Variants in PLCB1 observed in about 807,000 individuals in gnomAD.
The protein encoded by PLCB1 is phospholipase C beta 1.
PLCB1 carries 46 observed loss-of-function variants against 161.8 expected under a neutral mutation model. That is an observed-to-expected ratio of 0.28 (90% CI 0.22 to 0.36). PLCB1 has a LOEUF of 0.36. PLCB1 is among the 10% of genes least tolerant of loss of function. The pLI, the probability that PLCB1 is intolerant of heterozygous loss-of-function variation, is 1.00. For synonymous variants in PLCB1, 517 were observed against 503.7 expected, an observed-to-expected ratio of 1.03 and a Z score of -0.35; for missense variants, 1,016 against 1,472.5, an observed-to-expected ratio of 0.69 and a Z score of 5.07.
intron 3 of PLCB1, chr20:8,600,672 G>A (rs1300200931): frequency 4.0e-5 from 6 of 151,662 alleles, no homozygotes; most frequent in African/African-American, 7.3e-5. Context: ...AGCAAGCCTG[G>A]GCAATGGCGG....
chr20:8,192,292 T>C (rs1352459606), intron 2 of PLCB1, among the ~76,000 whole-genome samples: 1 of 151,930 alleles, frequency 6.6e-6, no homozygotes, highest in African/African-American at 2.4e-5. Context: ...TTTCAAAGAA[T>C]AGTATTAAGT....
intron 2 of PLCB1, among the ~76,000 whole-genome samples, chr20:8,288,877 A>G (rs912655168): frequency 2.6e-5 from 4 of 152,202 alleles, no homozygotes; most frequent in African/African-American, 9.7e-5. Context: ...AGGTATATTT[A>G]TATATTTACT....
intron 2 of PLCB1, among the ~76,000 whole-genome samples, chr20:8,320,733 C>T (rs941999264): frequency 2.0e-5 from 3 of 149,242 alleles, no homozygotes; most frequent in Non-Finnish European, 3.0e-5. Flanking sequence ...CATCCATTCA[C>T]GTGTCATCAA....
chr20:8,756,486 T>C (rs1210795004), intron 23 of PLCB1, among the ~76,000 whole-genome samples: 3 of 152,180 alleles, frequency 2.0e-5, no homozygotes, highest in East Asian at 1.9e-4. Context: ...TTATTTTTCA[T>C]GCATTATCTG....
At chr20:8,585,764 T>A (rs1986970270) in intron 3 of PLCB1, among the ~76,000 whole-genome samples, 1 of 152,216 alleles carries the variant, frequency 6.6e-6, no homozygotes, top group Non-Finnish European at 1.5e-5. Flanking sequence ...AGGTGGTCTC[T>A]GCTCCTTGCC....
intron 4 of PLCB1, among the ~76,000 whole-genome samples, chr20:8,637,747 A>G (rs1988808067): frequency 6.6e-6 from 1 of 152,246 alleles, no homozygotes; most frequent in Non-Finnish European, 1.5e-5. Context: ...ATATATTCTA[A>G]TATATGGCCT....
intron 3 of PLCB1, among the ~76,000 whole-genome samples, chr20:8,385,520 G>A (rs1207854710): frequency 6.6e-6 from 1 of 152,226 alleles, no homozygotes; most frequent in African/African-American, 2.4e-5. Flanking sequence ...TTAGACAGCA[G>A]GCAGCCACAG....
At chr20:8,326,990 A>G (rs58824700) in intron 2 of PLCB1, among the ~76,000 whole-genome samples, 6,850 of 152,288 alleles carry the variant, frequency 0.045, 200 homozygotes, top group Middle Eastern at 0.1. Flanking sequence ...GGCTCAAGCA[A>G]TTATCCCACC....
At chr20:8,533,841 T>C (rs1287811971) in intron 3 of PLCB1, among the ~76,000 whole-genome samples, 1 of 152,172 alleles carries the variant, frequency 6.6e-6, no homozygotes, top group Non-Finnish European at 1.5e-5. Flanking sequence ...GGTAGTTTCT[T>C]TTGCTGTGCA....
At chr20:8,168,634 G>A (rs774690371) in intron 2 of PLCB1, among the ~76,000 whole-genome samples, 1 of 152,134 alleles carries the variant, frequency 6.6e-6, no homozygotes, top group Non-Finnish European at 1.5e-5. Context: ...AGGTGGGTTG[G>A]GAGCAGTTGC....
intron 3 of PLCB1, among the ~76,000 whole-genome samples, chr20:8,605,370 G>A (rs560004791): frequency 2.7e-4 from 41 of 151,738 alleles, no homozygotes; most frequent in East Asian, 9.7e-4. Context: ...ACTTATAGAC[G>A]TAGTTCACTT....
rs184436336 is a variant in PLCB1 at position 8,757,092 on chromosome 20, C to A, written c.2570C>A (p.Thr857Lys). Residue 857 changes from threonine to lysine, a missense_variant, in exon 24 of 32, where the codon ACG (threonine) becomes AAG (lysine). Coordinates refer to ENST00000338037, the MANE Select transcript of PLCB1 (RefSeq NM_015192.4). ...TCAGAGGCTCCAAGTGAAGCGAGAA[C>A]GACTCCAGCAGAAAATGGGGTGAAT... ...TPSEAPSEARTTPAENGVNHT... is the reference protein window; with the variant it reads ...TPSEAPSEARKTPAENGVNHT... The A allele has an allele frequency of 1.9e-6, 3 of 1,613,114 alleles. No homozygotes were observed.
intron 3 of PLCB1, among the ~76,000 whole-genome samples, chr20:8,452,151 T>C (rs1981102938): frequency 6.6e-6 from 1 of 152,256 alleles, no homozygotes; most frequent in South Asian, 2.1e-4. Flanking sequence ...CAAGGCATCA[T>C]TCCATTTTCA....
intron 9 of PLCB1, among the ~76,000 whole-genome samples, chr20:8,675,237 G>A (rs925833631): frequency 1.8e-4 from 27 of 152,014 alleles, no homozygotes; most frequent in Admixed American, 1.1e-3. Flanking sequence ...ACGCACCACC[G>A]CACCTGTTCC....
chr20:8,527,992 G>C (rs1433330381), intron 3 of PLCB1, among the ~76,000 whole-genome samples: 1 of 151,956 alleles, frequency 6.6e-6, no homozygotes, highest in Non-Finnish European at 1.5e-5. Flanking sequence ...TTTTAGAAAA[G>C]CGACACTGAA....
chr20:8,307,835 T>C (rs1365353013), intron 2 of PLCB1, among the ~76,000 whole-genome samples: 1 of 83,236 alleles, frequency 1.2e-5, no homozygotes, highest in Non-Finnish European at 2.4e-5. Flanking sequence ...AGCAGGAGAA[T>C]TGCTTGAACC....
chr20:8,797,201 C>T (rs950224995), intron 31 of PLCB1, among the ~76,000 whole-genome samples: 1 of 152,084 alleles, frequency 6.6e-6, no homozygotes, highest in African/African-American at 2.4e-5. Flanking sequence ...AGTCTTAATA[C>T]AGTTCTTTTG....
At chr20:8,824,742 G>A (rs1226334989) in intron 31 of PLCB1, among the ~76,000 whole-genome samples, 1 of 151,768 alleles carries the variant, frequency 6.6e-6, no homozygotes, top group African/African-American at 2.4e-5. Context: ...GGTCTCAGAA[G>A]GAACCAAATA....
At chr20:8,404,953 A>G (rs972860358) in intron 3 of PLCB1, among the ~76,000 whole-genome samples, 2 of 152,170 alleles carry the variant, frequency 1.3e-5, no homozygotes, top group Non-Finnish European at 2.9e-5. Flanking sequence ...CTTAATTCCT[A>G]CATGTTAGTC....
Sources: gnomAD v4.1 joint callset for allele counts (sites outside exome capture counted in the v4.1 genomes callset) on GRCh38, gnomAD v4.1.1 for gene constraint, MANE v1.5 for transcripts, NCBI Gene and HGNC (gene_info 2026-07-23, HGNC 2026-07-21) for gene names.